SLC41A2: variants seen among roughly 807,000 people sequenced by gnomAD.
SLC41A2 encodes the protein solute carrier family 41 member 2, also known as SLC41A1-like 1.
Under a neutral mutation model 58.3 loss-of-function variants are expected in SLC41A2, and 32 were observed. The observed-to-expected ratio is 0.55, with a 90% CI of 0.41 to 0.74. The LOEUF (loss-of-function observed/expected upper bound fraction) is 0.74, where lower values mean the gene tolerates loss of function less well. Ranked by LOEUF, SLC41A2 falls within the 30% of genes least tolerant of loss-of-function variation. SLC41A2 has a pLI of 0.00. For synonymous variants in SLC41A2, 190 were observed against 235.0 expected, an observed-to-expected ratio of 0.81 and a Z score of 1.75; for missense variants, 514 against 680.6, an observed-to-expected ratio of 0.76 and a Z score of 2.72.
At chr12:104,905,090 C>G (rs1224323471) in intron 3 of SLC41A2, among the ~76,000 whole-genome samples, 1 of 151,922 alleles carries the variant, frequency 6.6e-6, no homozygotes, top group Non-Finnish European at 1.5e-5. Context: ...TCTCCACGTC[C>G]CCATCAGATT....
At position 104,895,296 on chromosome 12, in the gene SLC41A2, A is replaced by G. The variant is rs753981471; in HGVS notation, c.713T>C (p.Ile238Thr). The G allele has an allele frequency of 7.4e-6, 12 of 1,613,150 alleles. No individual in the cohort carries two copies. The African/African-American group carries it at 1.2e-4, about 16-fold the overall frequency. ...DSPIEKWNLI[I>T]GNLALKQVQA... Reference sequence around the variant, plus strand: ...TACCTGCTTTAAAGCCAAGTTGCCAATTATTAGGTTCCACTTTTCAATGGG... The same window carrying G: ...TACCTGCTTTAAAGCCAAGTTGCCAGTTATTAGGTTCCACTTTTCAATGGG... Residue 238 changes from isoleucine (I) to threonine (T), a missense_variant, in exon 4 of 11, where the codon ATT becomes ACT. By Grantham distance (89) the Ile-to-Thr change is moderately conservative (BLOSUM62 -1). Transcript: ENST00000258538.
chr12:104,928,506 A>G lies in SLC41A2; in HGVS notation c.22T>C (p.Ser8Pro). Residue 8 changes from serine (S) to proline (P), a missense_variant, in exon 2 of 11, where the codon TCT becomes CCT. Ser to Pro is a moderately conservative substitution (Grantham distance 74). Around this residue, in one of 3 missense-constraint regions of SLC41A2, gnomAD observed 336 missense variants for 430.0 expected, o/e 0.78. Transcript: ENST00000258538. MTNSKGRSITDKTSGGPS... is the reference protein window; with the variant it reads MTNSKGRPITDKTSGGPS... ...CCACCACTTGTTTTATCGGTAATAG[A>G]TCTTCCTTTACTATTAGTCATATTG... The G allele has an allele frequency of 2.6e-6, 4 of 1,516,190 alleles. No homozygotes were observed. The highest frequency in any genetic ancestry group is 3.5e-6 in the Non-Finnish European group (4 of 1,131,092). 93.9% of individuals were successfully genotyped at this position (1,516,190 alleles called of 1,614,324 possible).
At chr12:104,943,715 G>T (rs1369225840) in intron 1 of SLC41A2, among the ~76,000 whole-genome samples, 2 of 152,248 alleles carry the variant, frequency 1.3e-5, no homozygotes, top group East Asian at 3.9e-4. Flanking sequence ...CTGAGAGGGG[G>T]GACTGAGAGA....
intron 8 of SLC41A2, among the ~76,000 whole-genome samples, chr12:104,853,926 T>TTA (rs2042916495): frequency 1.7e-5 from 2 of 118,850 alleles, no homozygotes; most frequent in African/African-American, 6.2e-5. Flanking sequence ...TTTTTTTTTT[T>TTA]TTTTTTTTTT....
chr12:104,810,329 A>G (rs979781154), intron 10 of SLC41A2, among the ~76,000 whole-genome samples: 25 of 152,188 alleles, frequency 1.6e-4, no homozygotes, highest in Non-Finnish European at 1.8e-4. Context: ...AGGAGGAAAC[A>G]ATAGCTTTTA....
chr12:104,829,014 G>GC lies in SLC41A2; in HGVS notation c.1536+15457dup, dbSNP rs2041951530. On this transcript the variant is annotated intron_variant, in intron 10 of 10. Transcript: ENST00000258538. ...GAAAGCCTGACAATACTAGGTGATAGCAAGGATGTGGAGCAACTAGAACTC... is the reference window on the plus strand; with the variant it reads ...GAAAGCCTGACAATACTAGGTGATAGCCAAGGATGTGGAGCAACTAGAACTC... Among the ~76,000 whole-genome samples, 7 of 152,316 alleles carry GC rather than the reference G, an allele frequency of 4.6e-5. No individual in the cohort carries two copies. In the South Asian group the frequency reaches 1.4e-3, roughly 32 times the overall value.
intron 6 of SLC41A2, among the ~76,000 whole-genome samples, chr12:104,876,433 C>A (rs1463576325): frequency 1.3e-5 from 2 of 151,878 alleles, no homozygotes; most frequent in Non-Finnish European, 2.9e-5. Context: ...TGCTGTGTCC[C>A]TTAGGTTTTG....
chr12:104,864,559 G>A (rs954644998), intron 7 of SLC41A2, among the ~76,000 whole-genome samples: 2 of 152,036 alleles, frequency 1.3e-5, no homozygotes, highest in South Asian at 2.1e-4. Flanking sequence ...CTTAGCAGGC[G>A]CTTTCCATCA....
intron 1 of SLC41A2, chr12:104,951,363 T>C (rs781767519): frequency 6.6e-6 from 1 of 152,230 alleles, no homozygotes; most frequent in African/African-American, 2.4e-5. Context: ...CATCTCATAT[T>C]AGCAAAATTT....
At chr12:104,869,156 T>G (rs1160723723) in intron 6 of SLC41A2, among the ~76,000 whole-genome samples, 1 of 152,112 alleles carries the variant, frequency 6.6e-6, no homozygotes. Flanking sequence ...TGAGCCACCA[T>G]GTCAGGCCCA....
intron 2 of SLC41A2, among the ~76,000 whole-genome samples, chr12:104,920,802 T>C (rs77605288): frequency 0.032 from 4,852 of 151,984 alleles, 140 homozygotes; most frequent in East Asian, 0.15. Context: ...CGGGCACTTG[T>C]AGTCCCAGCT....
rs535377705 is a variant in SLC41A2, at chr12:104,942,462, A to G, written c.-167-13768T>C. 5.0e-5 allele frequency among the ~76,000 whole-genome samples: 7 copies of G among 140,920 alleles called. No homozygotes were observed. The South Asian group carries it at 1.8e-3, about 37-fold the overall frequency. 92.4% of individuals were successfully genotyped at this position (140,920 alleles called of 152,430 possible). On this transcript the variant is annotated intron_variant, in intron 1 of 10. Transcript: ENST00000258538. ...CACTGCACTCCAGCCTGGGCCATAGAGTGAGATCTTGTCCAAAAAAAAAAA... is the reference window on the plus strand; with the variant it reads ...CACTGCACTCCAGCCTGGGCCATAGGGTGAGATCTTGTCCAAAAAAAAAAA...
rs1393234588 is a variant in SLC41A2, at chr12:104,801,998, G to A, written c.*3154C>T. On this transcript the variant is annotated 3_prime_UTR_variant, in exon 11 of 11. Coordinates refer to ENST00000258538, the MANE Select transcript of SLC41A2 (RefSeq NM_001352171.3). The stretch of plus-strand genomic sequence containing the variant: ...AACAATTCGAAGATGGCAGAACCCC[G>A]TTATAAATGGGTACACTATACCATA... 2.0e-5 allele frequency among the ~76,000 whole-genome samples: 3 copies of A among 152,026 alleles called. No homozygotes were observed. Among genetic ancestry groups the A allele is most frequent in the South Asian group, 2.1e-4 (1 of 4,828 alleles).
rs537880192 is a variant in SLC41A2, at chr12:104,840,119, G to A, written c.1536+4353C>T. 2.0e-5 allele frequency among the ~76,000 whole-genome samples: 3 copies of A among 152,176 alleles called. No individual in the cohort carries two copies. In the South Asian group the frequency reaches 6.2e-4, roughly 32 times the overall value. ...GTAAGGCAAACAAACAGAAAACCCT[G>A]AAGATGACAGTAAGATTCCCTTCGT... On this transcript the variant is annotated intron_variant, in intron 10 of 10. Coordinates refer to ENST00000258538, the MANE Select transcript of SLC41A2 (RefSeq NM_001352171.3).
chr12:104,905,642 T>C lies in SLC41A2; in HGVS notation c.663+4013A>G, dbSNP rs2045804267. Among the ~76,000 whole-genome samples the C allele has an allele frequency of 2.0e-5, 3 of 152,166 alleles. No individual in the cohort carries two copies. The South Asian group carries it at 6.2e-4, about 31-fold the overall frequency. ...AGGCTCAGGCATGGCAGGCTGCAGG[T>C]CCTGAGCCCTGCCCCGTGGGAAGGC... On this transcript the variant is annotated intron_variant, in intron 3 of 10. Coordinates refer to ENST00000258538, the MANE Select transcript of SLC41A2 (RefSeq NM_001352171.3).
In SLC41A2 at chr12:104,804,942, TTATTC is replaced by T; in HGVS notation, c.*205_*209del. On this transcript the variant is annotated 3_prime_UTR_variant, in exon 11 of 11. Coordinates refer to ENST00000258538, the MANE Select transcript of SLC41A2 (RefSeq NM_001352171.3). ...ATCTATGTCTATGTCAAATTATCATTTATTCTATGAAAAGCAGCACGAATACTCTT... is the reference window on the plus strand; with the variant it reads ...ATCTATGTCTATGTCAAATTATCATTTATGAAAAGCAGCACGAATACTCTT... The T allele has an allele frequency of 2.5e-6, 1 of 396,698 alleles. No homozygotes were observed. The allele number at this position is 396,698 out of a possible 1,614,324, so 24.6% of individuals were successfully genotyped here. A position where few individuals can be genotyped will look rare whatever the true frequency, so the allele number is the denominator to read the frequency against.
chr12:104,950,904 T>C (rs2047926298), intron 1 of SLC41A2, among the ~76,000 whole-genome samples: 2 of 152,120 alleles, frequency 1.3e-5, no homozygotes, highest in Admixed American at 1.3e-4. Context: ...CATTTACCTC[T>C]AAGGAACTGG....
Position 104,889,059 on chromosome 12 carries a change from G to A in SLC41A2, c.854C>T (p.Thr285Ile). Reference protein sequence around the residue: ...SILLCSSSVATAFIASLLQGI... With the variant: ...SILLCSSSVAIAFIASLLQGI... ...CTGCAGAAGAGATGCAATGAAGGCA[G>A]TTGCCACACTGCTAGAGCACAGAAG... Residue 285 changes from threonine (T) to isoleucine (I), a missense_variant, in exon 5 of 11, where the codon ACT becomes ATT. Thr to Ile is a moderately conservative substitution (Grantham distance 89). This residue lies in a region of SLC41A2 where 336 missense variants were observed against 430.0 expected (regional missense o/e 0.78). Coordinates refer to ENST00000258538, the MANE Select transcript of SLC41A2 (RefSeq NM_001352171.3). 1 of 1,597,840 alleles carries A rather than the reference G, an allele frequency of 6.3e-7. No individual in the cohort carries two copies. The highest frequency in any genetic ancestry group is 1.8e-5 in the Admixed American group (1 of 54,390).
intron 10 of SLC41A2, among the ~76,000 whole-genome samples, chr12:104,820,343 G>C (rs2041578552): frequency 6.6e-6 from 1 of 152,200 alleles, no homozygotes; most frequent in Non-Finnish European, 1.5e-5. Context: ...CACACCTGTA[G>C]TTCTAGCTAC....
Sources: gnomAD v4.1 joint callset for allele counts (sites outside exome capture counted in the v4.1 genomes callset) on GRCh38, gnomAD v4.1.1 for gene constraint, gnomAD v4.1.1 regional missense constraint, MANE v1.5 for transcripts, NCBI Gene and HGNC (gene_info 2026-07-23, HGNC 2026-07-21) for gene names.